CDC14B: variants seen among roughly 807,000 people sequenced by gnomAD.
The protein encoded by CDC14B is cell division cycle 14B.
Under a neutral mutation model 64.2 loss-of-function variants are expected in CDC14B, and 22 were observed. The observed-to-expected ratio is 0.34, with a 90% CI of 0.24 to 0.49. The LOEUF (loss-of-function observed/expected upper bound fraction) is 0.49, where lower values mean the gene tolerates loss of function less well. CDC14B is among the 20% of genes least tolerant of loss of function. The pLI, the probability that CDC14B is intolerant of heterozygous loss-of-function variation, is 0.99. For synonymous variants in CDC14B, 191 were observed against 215.8 expected, an observed-to-expected ratio of 0.89 and a Z score of 1.01; for missense variants, 498 against 629.9, an observed-to-expected ratio of 0.79 and a Z score of 2.24.
chr9:96,492,155 T>TA (rs1369733178), exon 14 of CDC14B: 1 of 152,284 alleles, frequency 6.6e-6, no homozygotes, highest in Admixed American at 6.5e-5. Context: ...GCTGGCGACT[T>TA]AGACTCAAGC....
intron 9 of CDC14B, 46 bp from the exon 10 acceptor site, chr9:96,523,771 T>G (rs1256649153): frequency 5.7e-6 from 9 of 1,588,172 alleles, no homozygotes; most frequent in Non-Finnish European, 7.7e-6. Context: ...GCTGATGTAC[T>G]CCAGGATTTT....
chr9:96,504,385 C>T (rs567429823), intron 13 of CDC14B, among the ~76,000 whole-genome samples: 4 of 152,250 alleles, frequency 2.6e-5, no homozygotes, highest in African/African-American at 9.6e-5. Context: ...AGGTCAGTAA[C>T]AACTTTCAGA....
intron 13 of CDC14B, among the ~76,000 whole-genome samples, chr9:96,494,780 CCGTCCCCTCCCGTCCTGTCCAGTCT>C (rs1833177681): frequency 9.0e-6 from 1 of 110,648 alleles, no homozygotes; most frequent in African/African-American, 3.6e-5. Context: ...CTCCCCCCTC[CCGTCCCCTCCCGTCCTGTCCAGTCT>C]CGTCCCGTCC....
chr9:96,618,029 C>A lies in CDC14B; in HGVS notation c.160+1190G>T, dbSNP rs566044008. Among the ~76,000 whole-genome samples, 5 of 152,324 alleles carry A rather than the reference C, an allele frequency of 3.3e-5. No individual in the cohort carries two copies. In the East Asian group the frequency reaches 9.6e-4, roughly 29 times the overall value. On this transcript the variant is annotated intron_variant, in intron 1 of 13. Coordinates refer to ENST00000375241, the MANE Select transcript of CDC14B (RefSeq NM_033331.4). Reference sequence around the variant, plus strand: ...GGCCGGGGACTGGTACTCAGGGCAACCCCTTCCTATGCCCGCTCTGGTTCC... The same window carrying A: ...GGCCGGGGACTGGTACTCAGGGCAAACCCTTCCTATGCCCGCTCTGGTTCC...
chr9:96,584,585 A>C (rs1845354885), intron 1 of CDC14B, among the ~76,000 whole-genome samples: 1 of 152,232 alleles, frequency 6.6e-6, no homozygotes, highest in Admixed American at 6.5e-5. Context: ...AGCATTTCAA[A>C]GGGGAAAAAA....
chr9:96,551,650 A>G (rs1841864824), intron 5 of CDC14B, 146 bp downstream of exon 5: 11 of 1,127,770 alleles, frequency 9.8e-6, no homozygotes, highest in Non-Finnish European at 1.1e-5. Context: ...CAACAGTGTC[A>G]CTGTGGAAAA....
At position 96,604,669 on chromosome 9, in the gene CDC14B, G is replaced by A. The variant is rs186877343; in HGVS notation, c.160+14550C>T. 4.3e-3 allele frequency among the ~76,000 whole-genome samples: 649 copies of A among 150,036 alleles called. 2 individuals are homozygous for A. The highest frequency in any genetic ancestry group is 7.0e-3 in the Non-Finnish European group (470 of 67,534). On this transcript the variant is annotated intron_variant, in intron 1 of 13. Coordinates refer to ENST00000375241, the MANE Select transcript of CDC14B (RefSeq NM_033331.4). ...CACCACACCTGGCCTTTTTTTTTGC[G>A]GGGGGCGGGGCAGGAGGGGGACAGA...
intron 1 of CDC14B, among the ~76,000 whole-genome samples, chr9:96,593,497 A>G (rs1244816292): frequency 2.6e-5 from 4 of 152,046 alleles, no homozygotes; most frequent in Non-Finnish European, 5.9e-5. Flanking sequence ...AAAAAAAAAA[A>G]AAAAAAAGCA....
At chr9:96,563,670 A>G (rs16905622) in intron 3 of CDC14B, among the ~76,000 whole-genome samples, 3,750 of 151,626 alleles carry the variant, frequency 0.025, 154 homozygotes, top group African/African-American at 0.084. Flanking sequence ...AAAAAAAAAA[A>G]AAAAAGGAAG....
intron 1 of CDC14B, among the ~76,000 whole-genome samples, chr9:96,607,657 T>A (rs1847056916): frequency 6.6e-6 from 1 of 152,052 alleles, no homozygotes; most frequent in African/African-American, 2.4e-5. Flanking sequence ...TCTCCTGACC[T>A]CGTGATCCAC....
intron 8 of CDC14B, 58 bp from the exon 9 acceptor site, chr9:96,534,215 G>A: frequency 9.5e-7 from 1 of 1,049,274 alleles, no homozygotes; most frequent in Non-Finnish European, 1.4e-6. Flanking sequence ...ATGGCTAATA[G>A]TTTCACCTGT....
chr9:96,581,258 T>C (rs1845132550), intron 1 of CDC14B, among the ~76,000 whole-genome samples: 1 of 150,250 alleles, frequency 6.7e-6, no homozygotes, highest in African/African-American at 2.5e-5. Flanking sequence ...TTAACAGATT[T>C]GTATCCAATG....
chr9:96,526,682 T>C (rs1028469354), intron 9 of CDC14B, among the ~76,000 whole-genome samples: 1 of 152,232 alleles, frequency 6.6e-6, no homozygotes, highest in Non-Finnish European at 1.5e-5. Flanking sequence ...AGATCCTCTC[T>C]AGGCTTTTAA....
intron 4 of CDC14B, among the ~76,000 whole-genome samples, chr9:96,559,436 G>A (rs563205693): frequency 6.8e-4 from 103 of 152,222 alleles, no homozygotes; most frequent in Non-Finnish European, 1.3e-3. Flanking sequence ...TCCAGAAAAC[G>A]TTATCAAGGA....
intron 1 of CDC14B, chr9:96,618,592 GC>G: frequency 1.9e-6 from 1 of 533,006 alleles, no homozygotes. Context: ...CCTTCTCGAG[GC>G]CCCGGCGGGG....
rs1845022262 is a variant in CDC14B, at chr9:96,579,647, C to T, written c.161-14164G>A. ...CCCACTGAATGCACACAGGAAAGGT[C>T]ACGTGGAGGTACAGGGAGAAGGCGG... is the stretch of plus-strand genomic sequence containing the variant. On this transcript the variant is annotated intron_variant, in intron 1 of 13. Transcript: ENST00000375241. Among the ~76,000 whole-genome samples, 3 of 151,930 alleles carry T rather than the reference C, an allele frequency of 2.0e-5. No individual in the cohort carries two copies. In the South Asian group the frequency reaches 6.2e-4, roughly 32 times the overall value.
At position 96,606,527 on chromosome 9, in the gene CDC14B, T is replaced by TTGTGTGTGTGTG. The variant is rs376059971; in HGVS notation, c.160+12680_160+12691dup. Among the ~76,000 whole-genome samples, 793 of 112,832 alleles carry TTGTGTGTGTGTG rather than the reference T, an allele frequency of 7.0e-3. 8 individuals carry two copies. Among genetic ancestry groups the TTGTGTGTGTGTG allele is most frequent in the African/African-American group, 0.013 (397 of 30,200 alleles). The allele number at this position is 112,832 out of a possible 152,430, so 74.0% of individuals were successfully genotyped here. On this transcript the variant is annotated intron_variant, in intron 1 of 13. Transcript: ENST00000375241. ...ATGAGATCTCATCTCTACTAAAAGT[T>TTGTGTGTGTGTG]TGTGTGTGTGTGTGTGTGTGTGTGT...
Position 96,515,740 on chromosome 9 carries a change from T to A in CDC14B, c.1344-5951A>T, listed in dbSNP as rs1221658160. Reference sequence around the variant, plus strand: ...ATGGGAAGAATGTAGTCACAAACAATCCACCAGATGACAACACTACACAGT... The same window carrying A: ...ATGGGAAGAATGTAGTCACAAACAAACCACCAGATGACAACACTACACAGT... On this transcript the variant is annotated intron_variant, in intron 12 of 13. Transcript: ENST00000375241. The surrounding 1 kb of genome is among the most constrained non-coding windows in gnomAD (Gnocchi z 4.3). 6.2e-7 allele frequency: 1 copy of A among 1,606,286 alleles called. No individual in the cohort carries two copies. The highest frequency in any genetic ancestry group is 1.3e-5 in the African/African-American group (1 of 74,602).
At chr9:96,553,175 G>A (rs1186225151) in intron 4 of CDC14B, among the ~76,000 whole-genome samples, 1 of 152,062 alleles carries the variant, frequency 6.6e-6, no homozygotes, top group Non-Finnish European at 1.5e-5. Flanking sequence ...ACTGGACTAA[G>A]AGAAATTTTT....
Sources: allele counts gnomAD v4.1 joint callset (sites outside exome capture counted in the v4.1 genomes callset), GRCh38; gene constraint gnomAD v4.1.1; non-coding constraint Gnocchi (gnomAD v3.1); transcripts MANE v1.5; gene names NCBI Gene and HGNC (gene_info 2026-07-23, HGNC 2026-07-21).